Variants in VPS13B observed in about 807,000 individuals in gnomAD.
The protein encoded by VPS13B is vacuolar protein sorting 13 homolog B.
A neutral mutation model predicts 426.4 loss-of-function variants in VPS13B; 285 were observed. That is an observed-to-expected ratio of 0.67 (90% CI 0.61 to 0.74). The LOEUF (loss-of-function observed/expected upper bound fraction) is 0.74, where lower values mean the gene tolerates loss of function less well. VPS13B is among the 30% of genes least tolerant of loss of function. The pLI, the probability that VPS13B is intolerant of heterozygous loss-of-function variation, is 0.00. For missense variants in VPS13B, 4,537 were observed against 4,782.6 expected, an observed-to-expected ratio of 0.95 and a Z score of 1.51; for synonymous variants, 1,676 against 1,676.4, an observed-to-expected ratio of 1.00 and a Z score of 0.01.
chr8:99,688,918 T>A (rs1452832178), intron 35 of VPS13B, among the ~76,000 whole-genome samples: 1 of 152,062 alleles, frequency 6.6e-6, no homozygotes, highest in Non-Finnish European at 1.5e-5. Flanking sequence ...GAACAGAAAT[T>A]CTATTGAGGG....
chr8:99,067,882 C>T (rs998106521), intron 3 of VPS13B, among the ~76,000 whole-genome samples: 18 of 152,032 alleles, frequency 1.2e-4, no homozygotes, highest in African/African-American at 4.3e-4. Context: ...TCTCGGAGTT[C>T]GTTGTTTTGG....
chr8:99,028,387 G>A (rs2132176488), intron 2 of VPS13B, among the ~76,000 whole-genome samples: 1 of 147,786 alleles, frequency 6.8e-6, no homozygotes, highest in South Asian at 2.1e-4. Context: ...GGCCGGGCGG[G>A]GGGCTGACCC....
intron 55 of VPS13B, 146 bp from the exon 56 acceptor site, chr8:99,853,305 A>T: frequency 1.3e-6 from 1 of 776,932 alleles, no homozygotes; most frequent in Non-Finnish European, 2.1e-6. Flanking sequence ...GACACAATGT[A>T]CTGAAAGTTG....
At position 99,819,572 on chromosome 8, in the gene VPS13B, G is replaced by T. The variant is rs1814246323; in HGVS notation, c.8782G>T (p.Asp2928Tyr). ...LQPIWPYNKK[D>Y]SDRNEQLSQW... ...ACCCATATGGCCCTATAATAAGAAG[G>T]ATTCTGACAGGTAATATTCTTCAGT... is the stretch of plus-strand genomic sequence containing the variant. Residue 2928 changes from aspartate (D) to tyrosine (Y), a missense_variant, in exon 48 of 62, where the codon GAT becomes TAT. By Grantham distance (160) the Asp-to-Tyr change is radical (BLOSUM62 -3). Coordinates refer to ENST00000357162, the MANE Select transcript of VPS13B (RefSeq NM_152564.5). The T allele has an allele frequency of 1.2e-6, 2 of 1,613,490 alleles. No individual in the cohort carries two copies. Among genetic ancestry groups the T allele is most frequent in the East Asian group, 4.5e-5 (2 of 44,792 alleles).
chr8:99,660,197 T>C (rs1830169359), intron 34 of VPS13B, among the ~76,000 whole-genome samples: 3 of 152,204 alleles, frequency 2.0e-5, no homozygotes, highest in Admixed American at 6.5e-5. Flanking sequence ...GCATTTTCTT[T>C]GAAATCACAT....
chr8:99,728,040 T>C (rs965467554), intron 39 of VPS13B, among the ~76,000 whole-genome samples: 2 of 152,222 alleles, frequency 1.3e-5, no homozygotes, highest in African/African-American at 4.8e-5. Context: ...AAGTATATCA[T>C]ACACTGGTTG....
chr8:99,375,049 G>T (rs1479161221), intron 19 of VPS13B, among the ~76,000 whole-genome samples: 2 of 152,082 alleles, frequency 1.3e-5, no homozygotes, highest in African/African-American at 4.8e-5. Flanking sequence ...CTTCACCGGG[G>T]GTCTTTCTCA....
intron 17 of VPS13B, among the ~76,000 whole-genome samples, chr8:99,194,301 T>A (rs1402938252): frequency 1.3e-5 from 2 of 152,168 alleles, no homozygotes; most frequent in African/African-American, 4.8e-5. Flanking sequence ...TTTTAGTGTG[T>A]ATATAAACAC....
intron 30 of VPS13B, among the ~76,000 whole-genome samples, chr8:99,535,374 T>C (rs1345673397): frequency 6.6e-6 from 1 of 152,216 alleles, no homozygotes; most frequent in Non-Finnish European, 1.5e-5. Flanking sequence ...ATTTTGCCTG[T>C]TTTGTGTACT....
At chr8:99,279,560 C>T (rs1334963915) in intron 19 of VPS13B, among the ~76,000 whole-genome samples, 1 of 152,112 alleles carries the variant, frequency 6.6e-6, no homozygotes, top group Non-Finnish European at 1.5e-5. Context: ...TGTGCCCAGA[C>T]TCCCTTGTCT....
At chr8:99,336,460 A>C (rs1297834998) in intron 19 of VPS13B, among the ~76,000 whole-genome samples, 2 of 152,194 alleles carry the variant, frequency 1.3e-5, no homozygotes, top group African/African-American at 2.4e-5. Flanking sequence ...ATGGGCAAGG[A>C]CTTCATGTCT....
chr8:99,706,282 G>A lies in VPS13B; in HGVS notation c.6454+6350G>A, dbSNP rs993473004. ...TGAAGAAAACAGGCTCCCAGCAGCC[G>A]GGGTAGCTGAATGCAAGAGAGACAT... On this transcript the variant is annotated intron_variant, in intron 36 of 61. Transcript: ENST00000357162. Among the ~76,000 whole-genome samples, 12 of 152,180 alleles carry A rather than the reference G, an allele frequency of 7.9e-5. 1 individual carries two copies. Among genetic ancestry groups the A allele is most frequent in the South Asian group, 6.2e-4 (3 of 4,814 alleles).
At chr8:99,231,131 T>G (rs1816300745) in intron 17 of VPS13B, among the ~76,000 whole-genome samples, 1 of 152,258 alleles carries the variant, frequency 6.6e-6, no homozygotes, top group Admixed American at 6.5e-5. Flanking sequence ...AAAGTATAAG[T>G]GTTTATCACC....
rs770336524 is a variant in VPS13B at position 99,859,317 on chromosome 8, G to A, written c.10881G>A (p.Gly3627=). The A allele has an allele frequency of 5.0e-6, 8 of 1,613,588 alleles. No homozygotes were observed. The Admixed American group carries it at 1.2e-4, about 24-fold the overall frequency. ...TGTGCGTTGCAGGCTGGGTAGTTGG[G>A]TCTCTGGATATTCTTGGCAGCCCTG... The part of the protein sequence containing the change: ...GALFRAGWVV[G]SLDILGSPAS... The change falls in exon 57 of 62, where the codon GGG becomes GGA. Residue 3627 remains glycine, a synonymous_variant. Transcript: ENST00000357162.
At chr8:99,111,554 A>G (rs1209460496) in intron 6 of VPS13B, among the ~76,000 whole-genome samples, 1 of 151,804 alleles carries the variant, frequency 6.6e-6, no homozygotes, top group African/African-American at 2.4e-5. Context: ...CTTCAAGTAG[A>G]TAGAGGAAAT....
intron 19 of VPS13B, chr8:99,341,203 A>G: frequency 5.0e-6 from 1 of 199,308 alleles, no homozygotes; most frequent in South Asian, 9.7e-5. Flanking sequence ...CACTGGCTGA[A>G]AAAGCTGTGT....
At chr8:99,873,186 A>C (rs1389591957) in intron 61 of VPS13B, 1 of 152,134 alleles carries the variant, frequency 6.6e-6, no homozygotes, top group East Asian at 1.9e-4. Context: ...AATATTTCAG[A>C]TCTTAAACTA....
chr8:99,078,964 GCTGT>G (rs889703395), intron 3 of VPS13B, among the ~76,000 whole-genome samples: 9 of 152,130 alleles, frequency 5.9e-5, no homozygotes, highest in African/African-American at 2.2e-4. Context: ...GGTAAAGGTG[GCTGT>G]CTGGGCAGAT....
At chr8:99,474,736 C>G (rs531432525) in intron 24 of VPS13B, among the ~76,000 whole-genome samples, 1 of 152,064 alleles carries the variant, frequency 6.6e-6, no homozygotes, top group Non-Finnish European at 1.5e-5. Context: ...CATCATACAC[C>G]GCTTGTGAGA....
Sources: gnomAD v4.1 joint callset for allele counts (sites outside exome capture counted in the v4.1 genomes callset) on GRCh38, gnomAD v4.1.1 for gene constraint, MANE v1.5 for transcripts, NCBI Gene and HGNC (gene_info 2026-07-23, HGNC 2026-07-21) for gene names.